APP: variants seen among roughly 807,000 people sequenced by gnomAD.
The protein encoded by APP is amyloid beta precursor protein, also known as amyloid-beta precursor protein.
A neutral mutation model predicts 101.4 loss-of-function variants in APP; 31 were observed. The observed-to-expected ratio is 0.31, with a 90% confidence interval of 0.23 to 0.41. The LOEUF (loss-of-function observed/expected upper bound fraction) is 0.41, where lower values mean the gene tolerates loss of function less well. Among genes scored for constraint, APP ranks in the 10% least tolerant of loss-of-function variants. APP has a pLI of 1.00. For synonymous variants in APP, 366 were observed against 364.4 expected, an observed-to-expected ratio of 1.00 and a Z score of -0.05; for missense variants, 839 against 1,003.7, an observed-to-expected ratio of 0.84 and a Z score of 2.22.
intron 17 of APP, among the ~76,000 whole-genome samples, chr21:25,890,541 G>A (rs1040511147): frequency 1.3e-5 from 2 of 152,066 alleles, no homozygotes; most frequent in Non-Finnish European, 2.9e-5. Context: ...AGGAGTTCGA[G>A]ACCAGCCTGA....
chr21:26,017,944 C>A (rs904823618), intron 6 of APP, among the ~76,000 whole-genome samples: 3 of 152,086 alleles, frequency 2.0e-5, no homozygotes, highest in Non-Finnish European at 4.4e-5. Flanking sequence ...CGTGTGCTCA[C>A]TTTTATTTTT....
At chr21:26,164,341 C>A (rs892493199) in intron 1 of APP, among the ~76,000 whole-genome samples, 3 of 152,200 alleles carry the variant, frequency 2.0e-5, no homozygotes, top group Non-Finnish European at 4.4e-5. Flanking sequence ...TTTCCCTGTC[C>A]TTGGGTGAAC....
In APP at chr21:25,940,258, TTAG is replaced by T. The variant is rs1178561379; in HGVS notation, c.1687+14329_1687+14331del. ...AAAGGTAATAATGCTTATAAAAATATTAGTAGTAGTAAGGGATATCAGGTGACA... is the reference window on the plus strand; with the variant it reads ...AAAGGTAATAATGCTTATAAAAATATTAGTAGTAAGGGATATCAGGTGACA... On this transcript the variant is annotated intron_variant, in intron 13 of 17. Coordinates refer to ENST00000346798, the MANE Select transcript of APP (RefSeq NM_000484.4). Among the ~76,000 whole-genome samples the T allele has an allele frequency of 3.9e-5, 6 of 152,176 alleles. No homozygotes were observed. The South Asian group carries it at 1.0e-3, about 26-fold the overall frequency.
chr21:25,986,778 G>C (rs899354655), intron 8 of APP, among the ~76,000 whole-genome samples: 2 of 152,096 alleles, frequency 1.3e-5, no homozygotes, highest in African/African-American at 2.4e-5. Flanking sequence ...AATAAATAAA[G>C]GCTAGGATTT....
At chr21:25,998,410 C>G (rs1399576941) in intron 7 of APP, among the ~76,000 whole-genome samples, 2 of 150,916 alleles carry the variant, frequency 1.3e-5, no homozygotes, top group African/African-American at 2.4e-5. Context: ...AAAAAAAAGC[C>G]CTTGAGGTTA....
intron 1 of APP, among the ~76,000 whole-genome samples, chr21:26,160,715 A>G (rs1308137656): frequency 2.6e-5 from 4 of 152,210 alleles, no homozygotes; most frequent in Admixed American, 2.6e-4. Context: ...ATGCCACTAA[A>G]TTTAATTCCA....
chr21:26,011,387 T>C (rs1055108391), intron 6 of APP, among the ~76,000 whole-genome samples: 1 of 152,086 alleles, frequency 6.6e-6, no homozygotes, highest in African/African-American at 2.4e-5. Flanking sequence ...TCTGTTCACA[T>C]ATCTAAAGCT....
intron 1 of APP, among the ~76,000 whole-genome samples, chr21:26,162,429 A>C (rs1189804552): frequency 6.6e-6 from 1 of 152,228 alleles, no homozygotes; most frequent in Non-Finnish European, 1.5e-5. Flanking sequence ...TTAATGGATA[A>C]AGCCATTTTC....
chr21:26,068,188 T>C (rs1449741937), intron 3 of APP: 5 of 152,228 alleles, frequency 3.3e-5, no homozygotes, highest in Admixed American at 2.0e-4. Context: ...TTTTCACAGA[T>C]AACTTCTTAA....
At position 25,953,979 on chromosome 21, in the gene APP, T is replaced by C. The variant is rs1261240406; in HGVS notation, c.1687+611A>G. Among the ~76,000 whole-genome samples the C allele has an allele frequency of 3.3e-5, 5 of 152,188 alleles. No homozygotes were observed. In the South Asian group the frequency reaches 6.2e-4, roughly 19 times the overall value. On this transcript the variant is annotated intron_variant, in intron 13 of 17. Transcript: ENST00000346798. ...GTGAGAGTACAATTATTTCAGAATA[T>C]AAGTTTAATAGCCCACTATCTTTTA...
At chr21:26,129,598 G>A (rs1569009973) in intron 1 of APP, among the ~76,000 whole-genome samples, 1 of 152,114 alleles carries the variant, frequency 6.6e-6, no homozygotes, top group Admixed American at 6.6e-5. Context: ...ATGACAAGCA[G>A]ATGCACAAAT....
intron 17 of APP, 59 bp from the exon 18 acceptor site, chr21:25,881,830 T>C: frequency 6.6e-7 from 1 of 1,512,650 alleles, no homozygotes; most frequent in Non-Finnish European, 9.1e-7. Context: ...AGGGTGAACA[T>C]GGAGAAGCAG....
intron 1 of APP, among the ~76,000 whole-genome samples, chr21:26,149,271 CAT>C (rs2063214039): frequency 6.6e-6 from 1 of 152,292 alleles, no homozygotes; most frequent in East Asian, 1.9e-4. Context: ...ACAATGAAAA[CAT>C]AGTTTAAACC....
chr21:26,033,300 C>T (rs2044927513), intron 5 of APP, among the ~76,000 whole-genome samples: 1 of 152,190 alleles, frequency 6.6e-6, no homozygotes, highest in African/African-American at 2.4e-5. Context: ...TTATAAGGGG[C>T]TGTTCCCACT....
chr21:26,170,086 T>C (rs1306223015), intron 1 of APP, among the ~76,000 whole-genome samples: 1 of 152,154 alleles, frequency 6.6e-6, no homozygotes, highest in African/African-American at 2.4e-5. Flanking sequence ...CCTAGCTTCC[T>C]GGGCTGTCCC....
intron 6 of APP, among the ~76,000 whole-genome samples, chr21:26,010,573 G>GA (rs1395146107): frequency 6.6e-6 from 1 of 152,058 alleles, no homozygotes; most frequent in Non-Finnish European, 1.5e-5. Flanking sequence ...ACTTTGGGAG[G>GA]CCGAGATGGA....
intron 16 of APP, 61 bp downstream of exon 16, chr21:25,897,512 G>C: frequency 1.6e-6 from 2 of 1,231,280 alleles, no homozygotes; most frequent in Non-Finnish European, 2.4e-6. Flanking sequence ...GGATGAACCA[G>C]AGTTAATAGG....
intron 3 of APP, among the ~76,000 whole-genome samples, chr21:26,079,745 C>T (rs2061559632): frequency 6.6e-6 from 1 of 152,078 alleles, no homozygotes; most frequent in Non-Finnish European, 1.5e-5. Context: ...TAAATTATAC[C>T]TTACTTTTTA....
intron 6 of APP, among the ~76,000 whole-genome samples, chr21:26,007,374 A>G (rs1446033868): frequency 1.4e-5 from 2 of 147,460 alleles, no homozygotes; most frequent in Non-Finnish European, 3.0e-5. Flanking sequence ...ATTATAATAT[A>G]TTAGATTATA....
Sources: allele counts gnomAD v4.1 joint callset (sites outside exome capture counted in the v4.1 genomes callset), GRCh38; gene constraint gnomAD v4.1.1; transcripts MANE v1.5; gene names NCBI Gene and HGNC (gene_info 2026-07-23, HGNC 2026-07-21).